Variants in UBTD2 observed in about 807,000 individuals in gnomAD.
The protein encoded by UBTD2 is ubiquitin domain-containing protein 2.
In UBTD2, 9 loss-of-function variants were observed where a neutral mutation model predicts 19.8. The ratio of observed to expected loss-of-function variants is 0.46; its 90% CI spans 0.27 to 0.79. The LOEUF (loss-of-function observed/expected upper bound fraction) is 0.79, where lower values mean the gene tolerates loss of function less well. UBTD2 is among the 30% of genes least tolerant of loss of function. UBTD2 has a pLI of 0.14. For synonymous variants in UBTD2, 98 were observed against 103.9 expected, an observed-to-expected ratio of 0.94 and a Z score of 0.35; for missense variants, 250 against 300.4, an observed-to-expected ratio of 0.83 and a Z score of 1.24.
chr5:172,273,539 C>T (rs1013315890), intron 1 of UBTD2, among the ~76,000 whole-genome samples: 2 of 134,994 alleles, frequency 1.5e-5, no homozygotes, highest in African/African-American at 2.9e-5. Flanking sequence ...TGCAGTGAGC[C>T]GAGATTGTAC....
At chr5:172,262,463 A>AAC (rs891847417) in intron 1 of UBTD2, among the ~76,000 whole-genome samples, 5 of 151,224 alleles carry the variant, frequency 3.3e-5, no homozygotes, top group African/African-American at 1.2e-4. Context: ...AAAAAAAAAA[A>AAC]AAAAACAAGA....
At chr5:172,264,068 CTT>C in intron 1 of UBTD2, among the ~76,000 whole-genome samples, 1 of 152,124 alleles carries the variant, frequency 6.6e-6, no homozygotes, top group East Asian at 1.9e-4. Flanking sequence ...TAAAATTAGT[CTT>C]TGGTATTTTA....
chr5:172,273,693 T>C lies in UBTD2; in HGVS notation c.70+9903A>G, dbSNP rs144467237. Among the ~76,000 whole-genome samples, 364 of 148,478 alleles carry C rather than the reference T, an allele frequency of 2.5e-3. 1 individual carries two copies. Among genetic ancestry groups the C allele is most frequent in the African/African-American group, 8.8e-3 (349 of 39,782 alleles). ...GGAGTGGGACTAGCCCAACGGAAGG[T>C]AGATGATCAGGAAGCAGCTACAATG... On this transcript the variant is annotated intron_variant, in intron 1 of 2. Transcript: ENST00000393792.
intron 1 of UBTD2, among the ~76,000 whole-genome samples, chr5:172,256,386 CTTT>C (rs199749283): frequency 2.0e-5 from 3 of 147,426 alleles, no homozygotes; most frequent in African/African-American, 5.0e-5. Flanking sequence ...TTTCCTTATA[CTTT>C]TTTTTTTTTG....
intron 1 of UBTD2, among the ~76,000 whole-genome samples, chr5:172,265,936 T>G (rs1561865289): frequency 6.6e-6 from 1 of 151,568 alleles, no homozygotes. Flanking sequence ...TGTTTTTTTT[T>G]TTGTTTTTCT....
In UBTD2 at chr5:172,229,989, G is replaced by GT. The variant is rs534262838; in HGVS notation, c.307+4132dup. ...AAAGGAAATAAGCTCTTCAAGAAAT[G>GT]TAAGACAATGAGTAATAACATGCTG... On this transcript the variant is annotated intron_variant, in intron 2 of 2. Coordinates refer to ENST00000393792, the MANE Select transcript of UBTD2 (RefSeq NM_152277.3). Among the ~76,000 whole-genome samples the GT allele has an allele frequency of 2.4e-4, 37 of 152,230 alleles. No homozygotes were observed. In the South Asian group the frequency reaches 3.5e-3, roughly 14 times the overall value.
intron 1 of UBTD2, chr5:172,252,298 T>A (rs1030456724): frequency 5.9e-5 from 9 of 152,188 alleles, no homozygotes; most frequent in African/African-American, 2.2e-4. Context: ...AACCCATACT[T>A]AGGATGGCAC....
At chr5:172,277,144 CA>C (rs2113137774) in intron 1 of UBTD2, among the ~76,000 whole-genome samples, 1 of 145,648 alleles carries the variant, frequency 6.9e-6, no homozygotes, top group African/African-American at 2.5e-5. Flanking sequence ...TTACTTTTGT[CA>C]ACTTTTTTTC....
chr5:172,255,293 G>C, intron 1 of UBTD2: 1 of 446,344 alleles, frequency 2.2e-6, no homozygotes, highest in South Asian at 1.9e-5. Context: ...TCTAGGGTCT[G>C]AAAGAACTCA....
In UBTD2 at chr5:172,233,746, G is replaced by A. The variant is rs7724129; in HGVS notation, c.307+376C>T. ...AAACTGAGACTCTATCTCTAGCGCT[G>A]CTAGGAGGAAACCAGTGAAGTGGAA... On this transcript the variant is annotated intron_variant, in intron 2 of 2. Coordinates refer to ENST00000393792, the MANE Select transcript of UBTD2 (RefSeq NM_152277.3). Among the ~76,000 whole-genome samples the A allele has an allele frequency of 5.5e-3, 792 of 143,162 alleles. 9 individuals are homozygous for A. The highest frequency in any genetic ancestry group is 0.019 in the African/African-American group (740 of 39,294). 93.9% of individuals were successfully genotyped at this position (143,162 alleles called of 152,430 possible). A position where few individuals can be genotyped will look rare whatever the true frequency, so the allele number is the denominator to read the frequency against.
At chr5:172,277,067 CAAAAAAAAAAAA>C (rs56277139) in intron 1 of UBTD2, among the ~76,000 whole-genome samples, 1 of 65,096 alleles carries the variant, frequency 1.5e-5, no homozygotes, top group East Asian at 4.8e-4. Context: ...GACTCTGTCT[CAAAAAAAAAAAA>C]AAAAAAAAAA....
intron 1 of UBTD2, among the ~76,000 whole-genome samples, chr5:172,238,122 T>C (rs1772048724): frequency 6.6e-6 from 1 of 152,214 alleles, no homozygotes; most frequent in African/African-American, 2.4e-5. Context: ...AGCCAAACAT[T>C]TTTGTAAGAT....
At chr5:172,233,101 GCAAGACTCTGT>G (rs1169806352) in intron 2 of UBTD2, among the ~76,000 whole-genome samples, 1 of 152,128 alleles carries the variant, frequency 6.6e-6, no homozygotes, top group East Asian at 1.9e-4. Flanking sequence ...GGGCGACAGA[GCAAGACTCTGT>G]CTCAAAAAAG....
chr5:172,262,934 G>C (rs1414144896), intron 1 of UBTD2, among the ~76,000 whole-genome samples: 4 of 152,108 alleles, frequency 2.6e-5, no homozygotes, highest in African/African-American at 4.8e-5. Context: ...CATTCAACTA[G>C]TTTTTTGTTG....
intron 1 of UBTD2, among the ~76,000 whole-genome samples, chr5:172,249,859 T>C (rs1471783950): frequency 1.3e-5 from 2 of 152,138 alleles, no homozygotes; most frequent in African/African-American, 4.8e-5. Flanking sequence ...TCAGACAAAA[T>C]GCTTTTTCAT....
At chr5:172,219,992 A>G (rs527699003) in intron 2 of UBTD2, among the ~76,000 whole-genome samples, 2 of 152,066 alleles carry the variant, frequency 1.3e-5, no homozygotes, top group South Asian at 4.2e-4. Context: ...AACTCATTCT[A>G]TGAGGCCAAC....
At chr5:172,227,948 T>C (rs1198198948) in intron 2 of UBTD2, among the ~76,000 whole-genome samples, 5 of 151,852 alleles carry the variant, frequency 3.3e-5, no homozygotes, top group Non-Finnish European at 7.4e-5. Context: ...CAAAGTGCTG[T>C]GATTACAGGC....
chr5:172,237,269 T>C (rs1212578723), intron 1 of UBTD2, among the ~76,000 whole-genome samples: 1 of 152,098 alleles, frequency 6.6e-6, no homozygotes, highest in South Asian at 2.1e-4. Context: ...AATTTTTGTA[T>C]TTTTAGTAGA....
intron 1 of UBTD2, among the ~76,000 whole-genome samples, chr5:172,245,140 T>C (rs1357719653): frequency 1.3e-5 from 2 of 152,168 alleles, no homozygotes; most frequent in African/African-American, 2.4e-5. Context: ...CTGTGGAATA[T>C]GAGGAAAATA....
Sources: gnomAD v4.1 joint callset for allele counts (sites outside exome capture counted in the v4.1 genomes callset) on GRCh38, gnomAD v4.1.1 for gene constraint, MANE v1.5 for transcripts, NCBI Gene and HGNC (gene_info 2026-07-23, HGNC 2026-07-21) for gene names.